The following SMCHD1 variants were observed in gnomAD, a reference collection of about 807,000 sequenced individuals.
SMCHD1 encodes structural maintenance of chromosomes flexible hinge domain-containing protein 1.
A neutral mutation model predicts 254.7 loss-of-function variants in SMCHD1; 78 were observed. The ratio of observed to expected loss-of-function variants is 0.31; its 90% CI spans 0.26 to 0.37. The LOEUF (loss-of-function observed/expected upper bound fraction) is 0.37, where lower values mean the gene tolerates loss of function less well. SMCHD1 is among the 10% of genes least tolerant of loss of function. SMCHD1 has a pLI of 1.00. For synonymous variants in SMCHD1, 766 were observed against 794.9 expected, an observed-to-expected ratio of 0.96 and a Z score of 0.61; for missense variants, 1,840 against 2,408.1, an observed-to-expected ratio of 0.76 and a Z score of 4.94.
intron 4 of SMCHD1, 38 bp from the exon 5 acceptor site, chr18:2,673,977 G>T: frequency 6.5e-7 from 1 of 1,539,634 alleles, no homozygotes; most frequent in South Asian, 1.2e-5. Flanking sequence ...GTATTGATTT[G>T]ACTTTTCCTG....
chr18:2,667,578 C>A (rs996554454), intron 3 of SMCHD1, among the ~76,000 whole-genome samples: 1 of 152,076 alleles, frequency 6.6e-6, no homozygotes, highest in South Asian at 2.1e-4. Flanking sequence ...ACATGTTCAT[C>A]GTAAACTTTT....
rs756589979 is a variant in SMCHD1 at position 2,763,776 on chromosome 18, C to G, written c.4706C>G (p.Ser1569Trp). The G allele has an allele frequency of 6.2e-7, 1 of 1,604,506 alleles. No individual in the cohort carries two copies. The highest frequency in any genetic ancestry group is 1.3e-5 in the African/African-American group (1 of 74,238). Residue 1569 changes from serine to tryptophan, a missense_variant, in exon 37 of 48, where the codon TCG (serine) becomes TGG (tryptophan). By Grantham distance (177) the Ser-to-Trp change is radical. This residue lies in a region of SMCHD1 where 881 missense variants were observed against 1,009.5 expected (regional missense o/e 0.87). Coordinates refer to ENST00000320876, the MANE Select transcript of SMCHD1 (RefSeq NM_015295.3). The part of the protein sequence containing the change: ...RTLEFPFVNG[S>W]AEIMSLVLAE... ...CTTGAATTCCCCTTCGTGAATGGTTCGGCTGAAATCATGGTAAATTTTTTA... is the reference window on the plus strand; with the variant it reads ...CTTGAATTCCCCTTCGTGAATGGTTGGGCTGAAATCATGGTAAATTTTTTA...
intron 17 of SMCHD1, among the ~76,000 whole-genome samples, chr18:2,714,232 C>T (rs13381988): frequency 0.29 from 44,764 of 151,930 alleles, 6,832 homozygotes; most frequent in East Asian, 0.5. Context: ...ATTCCTTTAA[C>T]ATTATATAAT....
Position 2,747,511 on chromosome 18 carries a change from A to C in SMCHD1, c.3802-11A>C. On this transcript the variant is annotated splice_polypyrimidine_tract_variant and intron_variant, in intron 29 of 47. Transcript: ENST00000320876. Reference sequence around the variant, plus strand: ...TTTTAGTGTTTCTTAAAATATTTCTATTCTTTTCAGTCCATTCCAGTGATT... The same window carrying C: ...TTTTAGTGTTTCTTAAAATATTTCTCTTCTTTTCAGTCCATTCCAGTGATT... 2 of 1,588,232 alleles carry C rather than the reference A, an allele frequency of 1.3e-6. No homozygotes were observed. The highest frequency in any genetic ancestry group is 1.7e-6 in the Non-Finnish European group (2 of 1,165,188).
intron 4 of SMCHD1, 50 bp from the exon 5 acceptor site, chr18:2,673,965 A>G: frequency 6.6e-7 from 1 of 1,508,720 alleles, no homozygotes; most frequent in Non-Finnish European, 8.9e-7. Flanking sequence ...TTCATGTTTT[A>G]AGTATTGATT....
intron 10 of SMCHD1, among the ~76,000 whole-genome samples, chr18:2,699,776 C>T (rs925163220): frequency 2.0e-5 from 3 of 152,164 alleles, no homozygotes; most frequent in Non-Finnish European, 4.4e-5. Context: ...CCTCTAAGAG[C>T]AAAGTGATTT....
At chr18:2,729,800 C>G (rs1417941627) in intron 24 of SMCHD1, among the ~76,000 whole-genome samples, 1 of 151,784 alleles carries the variant, frequency 6.6e-6, no homozygotes, top group African/African-American at 2.4e-5. Flanking sequence ...CCTCCAACTC[C>G]TAAGCTCTAG....
chr18:2,746,304 T>G (rs1233676281), intron 29 of SMCHD1, among the ~76,000 whole-genome samples: 2 of 152,270 alleles, frequency 1.3e-5, no homozygotes, highest in Non-Finnish European at 2.9e-5. Flanking sequence ...CTTTTTCTAC[T>G]ATTTTCTAGA....
At chr18:2,800,819 A>G (rs1227681494) in intron 47 of SMCHD1, 3 of 152,200 alleles carry the variant, frequency 2.0e-5, no homozygotes, top group East Asian at 1.9e-4. Flanking sequence ...GTAATTGTAC[A>G]ACTAACAGTC....
At chr18:2,741,651 C>T (rs1313230881) in intron 28 of SMCHD1, among the ~76,000 whole-genome samples, 1 of 152,124 alleles carries the variant, frequency 6.6e-6, no homozygotes, top group Non-Finnish European at 1.5e-5. Flanking sequence ...ATAAAATATG[C>T]TCTTTGACTT....
At chr18:2,767,715 G>A (rs189939781) in intron 37 of SMCHD1, among the ~76,000 whole-genome samples, 23 of 146,164 alleles carry the variant, frequency 1.6e-4, no homozygotes, top group African/African-American at 5.3e-4. Flanking sequence ...TCAGCCTCCC[G>A]AGTAGCTGGG....
At chr18:2,677,629 G>C (rs1171491536) in intron 5 of SMCHD1, among the ~76,000 whole-genome samples, 1 of 152,058 alleles carries the variant, frequency 6.6e-6, no homozygotes, top group Admixed American at 6.6e-5. Flanking sequence ...TAATAGTTTT[G>C]TTTTGTTTTG....
At chr18:2,789,965 C>T (rs145036686) in intron 45 of SMCHD1, among the ~76,000 whole-genome samples, 4,865 of 152,156 alleles carry the variant, frequency 0.032, 112 homozygotes, top group Middle Eastern at 0.11. Context: ...GGGTGGATCA[C>T]GAGGTCAGGA....
chr18:2,682,151 T>C (rs6506028), intron 5 of SMCHD1, among the ~76,000 whole-genome samples: 149,921 of 152,030 alleles, frequency 0.99, 73,956 homozygotes, highest in East Asian at 1. Context: ...AGAGGTGGAG[T>C]TTTCTTAAGT....
Position 2,763,146 on chromosome 18 carries a change from CTTCTT to C in SMCHD1, c.4567-487_4567-483del, listed in dbSNP as rs143830803. ...ATGGGTTATTCTTCCCTAGACATCT[CTTCTT>C]TTCCCAAAACATCTTGTTGGGGTAA... On this transcript the variant is annotated intron_variant, in intron 36 of 47. Transcript: ENST00000320876. Among the ~76,000 whole-genome samples the C allele has an allele frequency of 5.0e-3, 761 of 152,324 alleles. 3 individuals carry two copies. The highest frequency in any genetic ancestry group is 0.017 in the African/African-American group (689 of 41,550).
At chr18:2,662,845 A>C (rs956345503) in intron 1 of SMCHD1, among the ~76,000 whole-genome samples, 2 of 152,112 alleles carry the variant, frequency 1.3e-5, no homozygotes, top group African/African-American at 4.8e-5. Flanking sequence ...TTATTTCTCT[A>C]GGGTGGAATT....
intron 1 of SMCHD1, among the ~76,000 whole-genome samples, chr18:2,660,775 CT>C (rs935955419): frequency 2.6e-4 from 39 of 152,066 alleles, no homozygotes; most frequent in African/African-American, 8.9e-4. Context: ...ACCATGCCCC[CT>C]GGAAAATCCA....
chr18:2,793,936 T>C (rs963130776), intron 45 of SMCHD1, among the ~76,000 whole-genome samples: 24 of 152,184 alleles, frequency 1.6e-4, no homozygotes, highest in African/African-American at 5.8e-4. Flanking sequence ...ATGTTATACC[T>C]AATGTACTCT....
At chr18:2,675,532 G>T (rs945656830) in intron 5 of SMCHD1, among the ~76,000 whole-genome samples, 6 of 152,222 alleles carry the variant, frequency 3.9e-5, no homozygotes, top group Middle Eastern at 6.8e-3. Context: ...CATAGTGCTA[G>T]GATTACAGGC....
Sources: gnomAD v4.1 joint callset for allele counts (sites outside exome capture counted in the v4.1 genomes callset) on GRCh38, gnomAD v4.1.1 for gene constraint, gnomAD v4.1.1 regional missense constraint, MANE v1.5 for transcripts, NCBI Gene and HGNC (gene_info 2026-07-23, HGNC 2026-07-21) for gene names.